Variants in SEC14L1 observed in about 807,000 individuals in gnomAD.
The protein encoded by SEC14L1 is SEC14 like lipid binding 1, also known as SEC14-like protein 1.
SEC14L1 carries 48 observed loss-of-function variants against 85.3 expected under a neutral mutation model. That is an observed-to-expected ratio of 0.56 (90% CI 0.45 to 0.72). SEC14L1 has a LOEUF of 0.72. Ranked by LOEUF, SEC14L1 falls within the 30% of genes least tolerant of loss-of-function variation. The pLI is 0.00. For missense variants in SEC14L1, 682 were observed against 921.4 expected (o/e 0.74, Z 3.36); for synonymous variants, 391 against 355.5 (o/e 1.10, Z -1.12).
rs184821156 is a variant in SEC14L1, at chr17:77,182,647, C to G, written c.64-8156C>G. 7.7e-3 allele frequency among the ~76,000 whole-genome samples: 1,165 copies of G among 152,238 alleles called. 52 individuals are homozygous for G. The highest frequency in any genetic ancestry group is 0.069 in the Admixed American group (1,047 of 15,284). ...GTTCATTTCGTCCAGCCTTTCTTGA[C>G]TGTGTGTTTGGTAAATGTTGGGCGT... On this transcript the variant is annotated intron_variant, in intron 3 of 16. Transcript: ENST00000436233.
chr17:77,158,674 A>G (rs550791952), intron 3 of SEC14L1, among the ~76,000 whole-genome samples: 139 of 151,730 alleles, frequency 9.2e-4, no homozygotes, highest in African/African-American at 3.2e-3. Context: ...ATTGTACTCA[A>G]TTGTATCTGC....
chr17:77,162,110 C>A (rs1254755409), intron 3 of SEC14L1, among the ~76,000 whole-genome samples: 1 of 151,610 alleles, frequency 6.6e-6, no homozygotes, highest in East Asian at 1.9e-4. Context: ...GGGGCGACTG[C>A]CTTTCCCAGG....
In SEC14L1 at chr17:77,128,302, G is replaced by A. The variant is rs1410099489; in HGVS notation, c.-135-14344G>A. On this transcript the variant is annotated intron_variant, in intron 3 of 19. Coordinates refer to the SEC14L1 transcript ENST00000392476. ...GGTCACCTCTTAGCACCAGCACGGC[G>A]CCTGACCAGAGGCCACAGGGGTGGG... 3.9e-5 allele frequency among the ~76,000 whole-genome samples: 6 copies of A among 152,164 alleles called. 1 individual carries two copies. Among genetic ancestry groups the A allele is most frequent in the East Asian group, 1.9e-4 (1 of 5,196 alleles).
intron 3 of SEC14L1, chr17:77,143,916 A>C (rs1055872388): frequency 2.7e-5 from 9 of 339,264 alleles, no homozygotes; most frequent in Non-Finnish European, 4.3e-5. Flanking sequence ...TTGAACACAC[A>C]GAAGTGGGAT....
At chr17:77,161,166 G>C (rs1974036188) in intron 3 of SEC14L1, among the ~76,000 whole-genome samples, 1 of 152,170 alleles carries the variant, frequency 6.6e-6, no homozygotes, top group Non-Finnish European at 1.5e-5. Context: ...AAACTAGTTT[G>C]TTTGCACCTA....
chr17:77,146,410 G>A (rs925286841), intron 3 of SEC14L1, among the ~76,000 whole-genome samples: 1 of 152,170 alleles, frequency 6.6e-6, no homozygotes, highest in Non-Finnish European at 1.5e-5. Flanking sequence ...ATTGTTTAAC[G>A]TTCAGACTTC....
intron 3 of SEC14L1, among the ~76,000 whole-genome samples, chr17:77,122,903 T>TGAGAATCACACAGCATCCAGACA (rs1363659813): frequency 2.6e-5 from 4 of 151,586 alleles, no homozygotes; most frequent in Admixed American, 6.6e-5. Flanking sequence ...TGCAGCAGCC[T>TGAGAATCACACAGCATCCAGACA]GAGAATCACA....
intron 3 of SEC14L1, among the ~76,000 whole-genome samples, chr17:77,166,594 C>T (rs904967998): frequency 6.6e-6 from 1 of 152,190 alleles, no homozygotes; most frequent in South Asian, 2.1e-4. Context: ...AATCCCAGCA[C>T]TTTGGGAGGC....
intron 13 of SEC14L1, among the ~76,000 whole-genome samples, chr17:77,209,123 C>A (rs1567935884): frequency 6.6e-6 from 1 of 152,176 alleles, no homozygotes; most frequent in African/African-American, 2.4e-5. Context: ...TCAGCTTCAA[C>A]TTGTTCCCGT....
intron 3 of SEC14L1, among the ~76,000 whole-genome samples, chr17:77,095,481 C>A (rs1971620379): frequency 1.3e-5 from 2 of 152,186 alleles, no homozygotes; most frequent in African/African-American, 2.4e-5. Flanking sequence ...AAAGTGGCTC[C>A]TTAACAATGA....
chr17:77,101,397 C>T (rs963299877), intron 3 of SEC14L1, among the ~76,000 whole-genome samples: 4 of 152,054 alleles, frequency 2.6e-5, no homozygotes, highest in Admixed American at 6.6e-5. Flanking sequence ...AGGCTGGTCC[C>T]GAACTCCTGA....
chr17:77,126,973 C>CT (rs1477491941), intron 3 of SEC14L1, among the ~76,000 whole-genome samples: 2 of 150,758 alleles, frequency 1.3e-5, no homozygotes, highest in East Asian at 1.9e-4. Context: ...TTCTCTCTCT[C>CT]TTTTTTTTAA....
intron 3 of SEC14L1, among the ~76,000 whole-genome samples, chr17:77,099,861 G>C (rs951496229): frequency 1.8e-4 from 28 of 152,274 alleles, no homozygotes; most frequent in African/African-American, 6.5e-4. Flanking sequence ...AGATCAAAAG[G>C]AGGTATTAAG....
At chr17:77,089,683 A>C in intron 2 of SEC14L1, 1 of 331,810 alleles carries the variant, frequency 3.0e-6, no homozygotes, top group South Asian at 2.4e-5. Context: ...GGGAACTACA[A>C]CCCAGTTAGG....
intron 3 of SEC14L1, among the ~76,000 whole-genome samples, chr17:77,097,040 G>A (rs149348424): frequency 6.6e-5 from 10 of 152,290 alleles, no homozygotes; most frequent in African/African-American, 2.4e-4. Context: ...AGATAAGAGC[G>A]TGTTCTAATA....
At chr17:77,208,467 G>A (rs999273870) in intron 13 of SEC14L1, among the ~76,000 whole-genome samples, 31 of 152,146 alleles carry the variant, frequency 2.0e-4, no homozygotes, top group Admixed American at 1.5e-3. Flanking sequence ...GCCGACCTCC[G>A]TAGTGTGTTT....
intron 3 of SEC14L1, among the ~76,000 whole-genome samples, chr17:77,104,182 C>T (rs1016691956): frequency 6.9e-6 from 1 of 145,584 alleles, no homozygotes; most frequent in African/African-American, 2.6e-5. Flanking sequence ...TGCAGTGGTG[C>T]GATCTCGGCT....
At chr17:77,122,988 T>G (rs1407945149) in intron 3 of SEC14L1, among the ~76,000 whole-genome samples, 1 of 152,088 alleles carries the variant, frequency 6.6e-6, no homozygotes, top group Non-Finnish European at 1.5e-5. Context: ...TCACACAGCA[T>G]CCAGACACAG....
rs1567940188 is a variant in SEC14L1, at chr17:77,213,757, C to T, written c.2043-161C>T. The T allele has an allele frequency of 2.0e-6, 2 of 982,728 alleles. No homozygotes were observed. Among genetic ancestry groups the T allele is most frequent in the East Asian group, 5.1e-5 (2 of 38,946 alleles). 60.9% of individuals were successfully genotyped at this position (982,728 alleles called of 1,614,324 possible). On this transcript the variant is annotated intron_variant, in intron 16 of 16. Coordinates refer to ENST00000436233, the MANE Select transcript of SEC14L1 (RefSeq NM_001143998.2). This position sits in a 1 kb window ranked among gnomAD's most constrained non-coding sequence, Gnocchi z 7.1. ...GCGTGCAGGCTGTGGGAAGCCGGTC[C>T]CCCTGGTGGGTTACTCATGTCCATC...
Sources: allele counts gnomAD v4.1 joint callset (sites outside exome capture counted in the v4.1 genomes callset), GRCh38; gene constraint gnomAD v4.1.1; non-coding constraint Gnocchi (gnomAD v3.1); transcripts MANE v1.5; gene names NCBI Gene and HGNC (gene_info 2026-07-23, HGNC 2026-07-21).